Variants in GOLPH3L observed in about 807,000 individuals in gnomAD.
GOLPH3L encodes the protein golgi phosphoprotein 3 like.
A neutral mutation model predicts 30.3 loss-of-function variants in GOLPH3L; 22 were observed. That is an observed-to-expected ratio of 0.73 (90% confidence interval 0.52 to 1.04). GOLPH3L has a LOEUF of 1.04. Ranked by LOEUF, GOLPH3L falls within the 50% of genes least tolerant of loss-of-function variation. The probability of loss-of-function intolerance (pLI) is 0.00; values close to 1 mark genes in which losing one functional copy is unlikely to be tolerated. For missense variants in GOLPH3L, 303 were observed against 345.8 expected (o/e 0.88, Z 0.98); for synonymous variants, 120 against 128.2 (o/e 0.94, Z 0.43).
At chr1:150,688,086 T>C (rs1651132639) in intron 2 of GOLPH3L, among the ~76,000 whole-genome samples, 1 of 152,158 alleles carries the variant, frequency 6.6e-6, no homozygotes, top group Admixed American at 6.5e-5. Context: ...TACAGGGAAG[T>C]GGGCAGCATG....
intron 4 of GOLPH3L, among the ~76,000 whole-genome samples, chr1:150,658,651 G>A (rs2101784490): frequency 6.6e-6 from 1 of 152,328 alleles, no homozygotes; most frequent in South Asian, 2.1e-4. Context: ...GGTCCCATAA[G>A]GGGATGTTTA....
At chr1:150,663,106 C>T (rs1650407742) in intron 3 of GOLPH3L, among the ~76,000 whole-genome samples, 1 of 151,812 alleles carries the variant, frequency 6.6e-6, no homozygotes, top group Non-Finnish European at 1.5e-5. Flanking sequence ...GGGATCTTGG[C>T]TCACTGCAAG....
At chr1:150,679,411 C>T (rs1360737839) in intron 2 of GOLPH3L, among the ~76,000 whole-genome samples, 1 of 152,170 alleles carries the variant, frequency 6.6e-6, no homozygotes, top group Non-Finnish European at 1.5e-5. Context: ...AAGTTCCTCA[C>T]CTATTACCAA....
At chr1:150,685,557 A>G (rs1404572638) in intron 2 of GOLPH3L, among the ~76,000 whole-genome samples, 1 of 152,008 alleles carries the variant, frequency 6.6e-6, no homozygotes, top group African/African-American at 2.4e-5. Flanking sequence ...TCTACTAAAA[A>G]TAAAAAATTA....
intron 2 of GOLPH3L, among the ~76,000 whole-genome samples, chr1:150,687,333 T>C (rs971626597): frequency 6.6e-6 from 1 of 151,936 alleles, no homozygotes; most frequent in Non-Finnish European, 1.5e-5. Context: ...ATCCCAGCAC[T>C]TTGGGAGGTC....
chr1:150,658,126 G>C (rs991334080), intron 4 of GOLPH3L, among the ~76,000 whole-genome samples: 4 of 152,190 alleles, frequency 2.6e-5, no homozygotes, highest in African/African-American at 9.7e-5. Flanking sequence ...GAGATTCCGG[G>C]AGGATCCCGA....
At chr1:150,661,259 A>G (rs1200556596) in intron 4 of GOLPH3L, among the ~76,000 whole-genome samples, 1 of 152,150 alleles carries the variant, frequency 6.6e-6, no homozygotes, top group South Asian at 2.1e-4. Context: ...AATGTTATGT[A>G]TATTTTACCA....
intron 2 of GOLPH3L, among the ~76,000 whole-genome samples, chr1:150,668,985 T>TATAAAGAAATGATGAAGATCAGG (rs1553187174): frequency 6.6e-5 from 10 of 152,152 alleles, no homozygotes; most frequent in Admixed American, 6.5e-4. Flanking sequence ...TGAGAAGCAG[T>TATAAAGAAATGATGAAGATCAGG]ATAAAGAAAT....
intron 2 of GOLPH3L, among the ~76,000 whole-genome samples, chr1:150,690,462 C>T (rs1184245668): frequency 6.6e-6 from 1 of 152,092 alleles, no homozygotes; most frequent in African/African-American, 2.4e-5. Flanking sequence ...CACATTAAAA[C>T]ATACTCACAA....
intron 2 of GOLPH3L, among the ~76,000 whole-genome samples, chr1:150,675,865 C>T (rs962859229): frequency 2.7e-5 from 4 of 148,464 alleles, no homozygotes; most frequent in Non-Finnish European, 5.9e-5. Context: ...TCATCTTTCA[C>T]TACAGGGAGT....
intron 4 of GOLPH3L, among the ~76,000 whole-genome samples, chr1:150,658,024 G>T (rs1252873613): frequency 6.6e-6 from 1 of 152,212 alleles, no homozygotes; most frequent in African/African-American, 2.4e-5. Flanking sequence ...TGGGGTAGAG[G>T]TTATGCTTGT....
intron 2 of GOLPH3L, among the ~76,000 whole-genome samples, chr1:150,673,864 G>A (rs1650700967): frequency 6.7e-6 from 1 of 148,458 alleles, no homozygotes; most frequent in Admixed American, 6.8e-5. Flanking sequence ...GGTGGAGGTT[G>A]CAGTGAGCCG....
chr1:150,659,379 C>A (rs892995607), intron 4 of GOLPH3L, among the ~76,000 whole-genome samples: 2 of 152,192 alleles, frequency 1.3e-5, no homozygotes, highest in Non-Finnish European at 2.9e-5. Context: ...GAACACCTGG[C>A]CCACCCAGGG....
intron 4 of GOLPH3L, among the ~76,000 whole-genome samples, chr1:150,656,361 T>C (rs1168503554): frequency 6.6e-6 from 1 of 152,148 alleles, no homozygotes; most frequent in African/African-American, 2.4e-5. Context: ...GGGACATTAA[T>C]TGGATACGAC....
intron 2 of GOLPH3L, 190 bp downstream of exon 2, chr1:150,694,466 T>C (rs1208161399): frequency 1.8e-5 from 9 of 490,850 alleles, no homozygotes; most frequent in Non-Finnish European, 2.1e-5. Context: ...TTAAATACAC[T>C]TCACGTAATT....
chr1:150,677,463 C>T (rs1169928448), intron 2 of GOLPH3L, among the ~76,000 whole-genome samples: 1 of 151,050 alleles, frequency 6.6e-6, no homozygotes, highest in African/African-American at 2.4e-5. Flanking sequence ...GTCTTGAACT[C>T]CTGACCTCAG....
Position 150,648,552 on chromosome 1 carries a change from C to T in GOLPH3L, c.627G>A (p.Glu209=), listed in dbSNP as rs145448238. 353 of 1,613,936 alleles carry T rather than the reference C, an allele frequency of 2.2e-4. 1 individual carries two copies. In the African/African-American group the frequency reaches 4.0e-3, roughly 18 times the overall value. ...LVKKLQDSVL[E]RWVNDPQRMD... ...TACGCTGAGGGTCATTTACCCACCG[C>T]TCTAGTACACTATCTTGAAGTTTTT... is the stretch of plus-strand genomic sequence containing the variant. Residue 209 remains glutamate (E), a synonymous_variant, in exon 5 of 5, where the codon GAG becomes GAA. Transcript: ENST00000271732.
intron 2 of GOLPH3L, among the ~76,000 whole-genome samples, chr1:150,671,798 C>A (rs2101799921): frequency 8.5e-6 from 1 of 117,530 alleles, no homozygotes. Flanking sequence ...GAGAGCAAAA[C>A]TCCGTCTCAA....
rs1650376918 is a variant in GOLPH3L, at chr1:150,661,947, G to A, written c.316-19C>T. On this transcript the variant is annotated intron_variant, in intron 3 of 4. Transcript: ENST00000271732. ...GCAGTACCTTTGAGAAAAGGAGAAA[G>A]AAGGAACCCTGATTCCTTCACTTCA... The A allele has an allele frequency of 9.8e-7, 1 of 1,025,170 alleles. No homozygotes were observed. The highest frequency in any genetic ancestry group is 1.6e-6 in the Non-Finnish European group (1 of 642,230). The allele number at this position is 1,025,170 out of a possible 1,614,324, so 63.5% of individuals were successfully genotyped here.
Sources: allele counts gnomAD v4.1 joint callset (sites outside exome capture counted in the v4.1 genomes callset), GRCh38; gene constraint gnomAD v4.1.1; transcripts MANE v1.5; gene names NCBI Gene and HGNC (gene_info 2026-07-23, HGNC 2026-07-21).